KHDRBS2: variants seen among roughly 807,000 people sequenced by gnomAD.
KHDRBS2 encodes KH RNA binding domain containing, signal transduction associated 2, also known as KH domain-containing, RNA-binding, signal transduction-associated protein 2.
In KHDRBS2, 26 loss-of-function variants were observed where a neutral mutation model predicts 44.3. The observed-to-expected ratio is 0.59, with a 90% CI of 0.43 to 0.81. KHDRBS2 has a LOEUF of 0.81. Among genes scored for constraint, KHDRBS2 ranks in the 40% least tolerant of loss-of-function variants. The pLI, the probability that KHDRBS2 is intolerant of heterozygous loss-of-function variation, is 0.00. For synonymous variants in KHDRBS2, 194 were observed against 151.1 expected (o/e 1.28, Z -2.08); for missense variants, 476 against 433.1 (o/e 1.10, Z -0.88).
intron 1 of KHDRBS2, among the ~76,000 whole-genome samples, chr6:62,212,186 C>T (rs911320435): frequency 6.6e-6 from 1 of 152,056 alleles, no homozygotes; most frequent in African/African-American, 2.4e-5. Context: ...GTAGAACTTT[C>T]ATCTCCTATA....
intron 1 of KHDRBS2, among the ~76,000 whole-genome samples, chr6:62,218,304 A>C (rs1830355373): frequency 6.6e-6 from 1 of 151,910 alleles, no homozygotes; most frequent in Non-Finnish European, 1.5e-5. Flanking sequence ...TGGGTATCTA[A>C]AAGAGCAAAA....
intron 2 of KHDRBS2, among the ~76,000 whole-genome samples, chr6:62,102,389 C>T (rs1380049079): frequency 1.3e-5 from 2 of 152,156 alleles, no homozygotes; most frequent in African/African-American, 2.4e-5. Context: ...CTGCAGGCAC[C>T]AGGCAATTCA....
At chr6:62,107,264 T>C (rs1226976054) in intron 2 of KHDRBS2, among the ~76,000 whole-genome samples, 4 of 152,160 alleles carry the variant, frequency 2.6e-5, no homozygotes, top group Non-Finnish European at 5.9e-5. Flanking sequence ...ACAAAATCAA[T>C]GTATGAAAAT....
chr6:61,979,188 C>T (rs1773346426), intron 3 of KHDRBS2, among the ~76,000 whole-genome samples: 1 of 152,024 alleles, frequency 6.6e-6, no homozygotes, highest in Non-Finnish European at 1.5e-5. Context: ...ACTTAAATAG[C>T]TTCAGCCAAT....
the KHDRBS2 span, among the ~76,000 whole-genome samples, chr6:61,620,723 T>A: frequency 6.6e-6 from 1 of 152,186 alleles, no homozygotes; most frequent in Non-Finnish European, 1.5e-5. Flanking sequence ...GAGGCTACTA[T>A]TACTCTAGGC....
chr6:61,566,703 C>A, the KHDRBS2 span, among the ~76,000 whole-genome samples: 1 of 151,690 alleles, frequency 6.6e-6, no homozygotes, highest in Non-Finnish European at 1.5e-5. Context: ...GTTTCCATAA[C>A]TTTAAAAAAC....
chr6:61,665,496 T>C, the KHDRBS2 span, among the ~76,000 whole-genome samples: 1 of 151,402 alleles, frequency 6.6e-6, no homozygotes, highest in Admixed American at 6.6e-5. Flanking sequence ...TAGATAATAC[T>C]TATTTCTAAA....
At chr6:62,193,321 T>C (rs1039939339) in intron 1 of KHDRBS2, among the ~76,000 whole-genome samples, 17 of 152,074 alleles carry the variant, frequency 1.1e-4, no homozygotes, top group African/African-American at 3.9e-4. Flanking sequence ...ACTGATTCTG[T>C]GCTTGGAGAC....
intron 2 of KHDRBS2, among the ~76,000 whole-genome samples, chr6:62,072,271 A>G (rs899446775): frequency 6.6e-6 from 1 of 152,192 alleles, no homozygotes; most frequent in Non-Finnish European, 1.5e-5. Context: ...TAGATATACA[A>G]TCATGTCATC....
chr6:61,673,148 G>T, the KHDRBS2 span, among the ~76,000 whole-genome samples: 1 of 152,090 alleles, frequency 6.6e-6, no homozygotes, highest in East Asian at 1.9e-4. Context: ...TCAAAGATCA[G>T]ATAGTTGTAG....
intron 4 of KHDRBS2, among the ~76,000 whole-genome samples, chr6:61,962,758 G>A (rs1485782572): frequency 6.6e-6 from 1 of 151,856 alleles, no homozygotes; most frequent in Non-Finnish European, 1.5e-5. Flanking sequence ...TACAGTCTAG[G>A]CCAGGCCACT....
chr6:61,648,960 A>G, the KHDRBS2 span, among the ~76,000 whole-genome samples: 1 of 152,104 alleles, frequency 6.6e-6, no homozygotes, highest in Non-Finnish European at 1.5e-5. Context: ...CCAGATAGAT[A>G]TCTCCAGGGT....
chr6:62,062,462 G>A (rs976152716), intron 2 of KHDRBS2, among the ~76,000 whole-genome samples: 1 of 151,614 alleles, frequency 6.6e-6, no homozygotes, highest in African/African-American at 2.4e-5. Flanking sequence ...CTAGAACTCA[G>A]GATTAAGAAT....
intron 3 of KHDRBS2, among the ~76,000 whole-genome samples, chr6:62,021,513 G>A (rs1352272562): frequency 6.6e-6 from 1 of 151,816 alleles, no homozygotes; most frequent in Non-Finnish European, 1.5e-5. Context: ...ACACTTGTAA[G>A]TTCTTCTGAT....
chr6:61,829,862 G>C (rs1791516018), intron 6 of KHDRBS2, among the ~76,000 whole-genome samples: 1 of 152,098 alleles, frequency 6.6e-6, no homozygotes, highest in Non-Finnish European at 1.5e-5. Context: ...AGAACAAAAG[G>C]TGTCATGGCC....
At chr6:62,121,381 T>C (rs556516705) in intron 2 of KHDRBS2, among the ~76,000 whole-genome samples, 2 of 152,328 alleles carry the variant, frequency 1.3e-5, no homozygotes, top group African/African-American at 2.4e-5. Flanking sequence ...CCTGTTCGAC[T>C]CTCCTATTTG....
the KHDRBS2 span, among the ~76,000 whole-genome samples, chr6:61,608,989 T>G: frequency 1.3e-5 from 2 of 152,218 alleles, no homozygotes; most frequent in South Asian, 2.1e-4. Context: ...GTATATCTGG[T>G]TCTAGATCCT....
intron 6 of KHDRBS2, among the ~76,000 whole-genome samples, chr6:61,743,479 T>A (rs1021962863): frequency 9.9e-5 from 15 of 152,130 alleles, no homozygotes; most frequent in Non-Finnish European, 1.3e-4. Context: ...CATGACTTTT[T>A]AAATAATTTC....
intron 6 of KHDRBS2, among the ~76,000 whole-genome samples, chr6:61,887,633 A>C (rs1645540324): frequency 6.6e-6 from 1 of 152,188 alleles, no homozygotes; most frequent in Admixed American, 6.5e-5. Flanking sequence ...TCAGAAATTT[A>C]ATGCTGAGGC....
Sources: gnomAD v4.1 joint callset for allele counts (sites outside exome capture counted in the v4.1 genomes callset) on GRCh38, gnomAD v4.1.1 for gene constraint, MANE v1.5 for transcripts, NCBI Gene and HGNC (gene_info 2026-07-23, HGNC 2026-07-21) for gene names.